The following PPP6R3 variants were observed in gnomAD, a reference collection of about 807,000 sequenced individuals.
PPP6R3 encodes protein phosphatase 6 regulatory subunit 3.
Under a neutral mutation model 110.7 loss-of-function variants are expected in PPP6R3, and 38 were observed. The observed-to-expected ratio is 0.34, with a 90% CI of 0.26 to 0.45. The LOEUF (loss-of-function observed/expected upper bound fraction) is 0.45. PPP6R3 is among the 20% of genes least tolerant of loss of function. The probability of loss-of-function intolerance (pLI) is 1.00; values close to 1 mark genes in which losing one functional copy is unlikely to be tolerated. For missense variants in PPP6R3, 870 were observed against 1,062.4 expected, an observed-to-expected ratio of 0.82 and a Z score of 2.52; for synonymous variants, 369 against 373.5, an observed-to-expected ratio of 0.99 and a Z score of 0.14.
chr11:68,502,128 A>C (rs1220411542), intron 1 of PPP6R3, among the ~76,000 whole-genome samples: 1 of 152,254 alleles, frequency 6.6e-6, no homozygotes, highest in Non-Finnish European at 1.5e-5. Flanking sequence ...CAGTGTTTCT[A>C]CGAAAGACAA....
chr11:68,515,611 G>A (rs2099132629), intron 1 of PPP6R3, among the ~76,000 whole-genome samples: 1 of 152,180 alleles, frequency 6.6e-6, no homozygotes, highest in African/African-American at 2.4e-5. Flanking sequence ...TCGGGATTGT[G>A]GCATTCAGGA....
chr11:68,549,497 T>G lies in PPP6R3; in HGVS notation c.552+1293T>G, dbSNP rs145241025. Among the ~76,000 whole-genome samples, 554 of 152,228 alleles carry G rather than the reference T, an allele frequency of 3.6e-3. 4 individuals are homozygous for G. The highest frequency in any genetic ancestry group is 0.01 in the African/African-American group (427 of 41,530). Reference sequence around the variant, plus strand: ...ACTGTGATCACTGTGAGTAAACAGCTGGGTGTATCTAGTGGGTGTCCTGGG... The same window carrying G: ...ACTGTGATCACTGTGAGTAAACAGCGGGGTGTATCTAGTGGGTGTCCTGGG... On this transcript the variant is annotated intron_variant, in intron 5 of 23. Coordinates refer to ENST00000393800, the MANE Select transcript of PPP6R3 (RefSeq NM_001164161.2).
chr11:68,596,046 AGCTGGTG>A (rs770148729), intron 18 of PPP6R3, 44 bp from the exon 19 acceptor site: 6 of 1,608,570 alleles, frequency 3.7e-6, no homozygotes, highest in Non-Finnish European at 5.1e-6. Flanking sequence ...TTCTGGATTT[AGCTGGTG>A]GCTGATAAGC....
Position 68,493,616 on chromosome 11 carries a change from C to CATATAT in PPP6R3, c.-157-25869_-157-25864dup, listed in dbSNP as rs71043436. On this transcript the variant is annotated intron_variant, in intron 1 of 23. Coordinates refer to ENST00000393800, the MANE Select transcript of PPP6R3 (RefSeq NM_001164161.2). ...TTGGGGTAAAAAAAAAAAACAAAACCATATATATATATATATATATAAAAT... is the reference window on the plus strand; with the variant it reads ...TTGGGGTAAAAAAAAAAAACAAAACCATATATATATATATATATATATATATAAAAT... 1.5e-3 allele frequency among the ~76,000 whole-genome samples: 211 copies of CATATAT among 137,470 alleles called. 1 individual carries two copies. The highest frequency in any genetic ancestry group is 7.4e-3 in the Middle Eastern group (2 of 272). The allele number at this position is 137,470 out of a possible 152,430, so 90.2% of individuals were successfully genotyped here.
At chr11:68,497,185 T>C (rs1342256999) in intron 1 of PPP6R3, among the ~76,000 whole-genome samples, 6 of 150,506 alleles carry the variant, frequency 4.0e-5, no homozygotes, top group Non-Finnish European at 7.4e-5. Flanking sequence ...TAGCTGGGAC[T>C]ACAGGTGCCC....
chr11:68,519,761 C>T (rs1165070485), intron 2 of PPP6R3, 110 bp downstream of exon 2: 11 of 394,628 alleles, frequency 2.8e-5, no homozygotes, highest in Non-Finnish European at 4.9e-5. Context: ...AGACCAGTCT[C>T]TCTGAGCTAG....
intron 7 of PPP6R3, among the ~76,000 whole-genome samples, chr11:68,557,025 G>A (rs1252768413): frequency 6.6e-6 from 1 of 152,236 alleles, no homozygotes; most frequent in Non-Finnish European, 1.5e-5. Context: ...CCTCTGATGA[G>A]TAAGAGCGCT....
In PPP6R3 at chr11:68,613,192, G is replaced by A; in HGVS notation, c.*75G>A. 16 of 1,580,664 alleles carry A rather than the reference G, an allele frequency of 1.0e-5. No individual in the cohort carries two copies. The South Asian group carries it at 1.6e-4, about 16-fold the overall frequency. On this transcript the variant is annotated 3_prime_UTR_variant, in exon 24 of 24. Coordinates refer to ENST00000393800, the MANE Select transcript of PPP6R3 (RefSeq NM_001164161.2). ...AGGGGCTCTGGAGGGGTCAGCTGGA[G>A]CCCACCAAGCTGTCACTGCTGCACT...
intron 1 of PPP6R3, among the ~76,000 whole-genome samples, chr11:68,466,433 CTTT>C (rs906791744): frequency 5.6e-5 from 7 of 125,392 alleles, no homozygotes; most frequent in African/African-American, 9.6e-5. Context: ...AGGACATTTT[CTTT>C]TTTTTTTTTT....
intron 1 of PPP6R3, among the ~76,000 whole-genome samples, chr11:68,506,401 A>G (rs1352300855): frequency 2.6e-5 from 3 of 115,734 alleles, no homozygotes; most frequent in African/African-American, 6.7e-5. Context: ...TGCTGCACCC[A>G]GCCCTTTATA....
rs183848304 is a variant in PPP6R3 at position 68,599,986 on chromosome 11, A to G, written c.2039-355A>G. Reference sequence around the variant, plus strand: ...AAATACAAAAAATTAGCCAGGCGTGATGGCGGGTGCCAGTAATCCCAGCTA... The same window carrying G: ...AAATACAAAAAATTAGCCAGGCGTGGTGGCGGGTGCCAGTAATCCCAGCTA... On this transcript the variant is annotated intron_variant, in intron 19 of 23. Transcript: ENST00000393800. 7.2e-3 allele frequency among the ~76,000 whole-genome samples: 1,104 copies of G among 152,290 alleles called. 14 individuals carry two copies. Among genetic ancestry groups the G allele is most frequent in the African/African-American group, 0.025 (1,042 of 41,584 alleles).
At chr11:68,489,349 A>G (rs1048967829) in intron 1 of PPP6R3, among the ~76,000 whole-genome samples, 7 of 151,890 alleles carry the variant, frequency 4.6e-5, no homozygotes, top group African/African-American at 1.2e-4. Context: ...TGATCATTTT[A>G]TATGATTTCC....
chr11:68,520,776 T>G (rs1370884559), intron 2 of PPP6R3, among the ~76,000 whole-genome samples: 1 of 152,106 alleles, frequency 6.6e-6, no homozygotes, highest in Non-Finnish European at 1.5e-5. Flanking sequence ...TTTTTGTTTG[T>G]TTGTTTGTTT....
intron 1 of PPP6R3, among the ~76,000 whole-genome samples, chr11:68,468,635 T>A (rs1414632627): frequency 1.3e-5 from 2 of 152,256 alleles, no homozygotes; most frequent in African/African-American, 4.8e-5. Flanking sequence ...TCTAACCAGC[T>A]GCTCTGCGGA....
At chr11:68,524,945 T>C (rs1377478609) in intron 2 of PPP6R3, among the ~76,000 whole-genome samples, 3 of 152,222 alleles carry the variant, frequency 2.0e-5, no homozygotes, top group Non-Finnish European at 4.4e-5. Flanking sequence ...CTTCCTGAAC[T>C]TGTCCTGAGA....
chr11:68,568,801 G>C (rs959357819), intron 10 of PPP6R3, among the ~76,000 whole-genome samples: 7 of 151,328 alleles, frequency 4.6e-5, no homozygotes, highest in African/African-American at 1.7e-4. Context: ...ATGGAGTCTG[G>C]CTCAGTCGCC....
Position 68,615,124 on chromosome 11 carries a change from G to A in PPP6R3, c.*2007G>A, listed in dbSNP as rs555440756. 49 of 458,772 alleles carry A rather than the reference G, an allele frequency of 1.1e-4. 1 individual carries two copies. The East Asian group carries it at 1.7e-3, about 16-fold the overall frequency. 28.4% of individuals were successfully genotyped at this position (458,772 alleles called of 1,614,324 possible). ...GGGGCATCATTTTGTTTTGTCTTTC[G>A]TAGCAGGGAAAGGATATGACAATGG... On this transcript the variant is annotated 3_prime_UTR_variant, in exon 24 of 24. Transcript: ENST00000393800.
intron 1 of PPP6R3, among the ~76,000 whole-genome samples, chr11:68,465,927 AG>A (rs146055658): frequency 5.6e-4 from 86 of 152,310 alleles, no homozygotes; most frequent in African/African-American, 2.0e-3. Context: ...CCTTAGTTTG[AG>A]GAGTCTTAAA....
chr11:68,468,422 G>C (rs1450195583), intron 1 of PPP6R3, among the ~76,000 whole-genome samples: 1 of 152,174 alleles, frequency 6.6e-6, no homozygotes, highest in Admixed American at 6.5e-5. Context: ...TGCCCCTTCT[G>C]AGTAAACAAC....
Sources: gnomAD v4.1 joint callset for allele counts (sites outside exome capture counted in the v4.1 genomes callset) on GRCh38, gnomAD v4.1.1 for gene constraint, MANE v1.5 for transcripts, NCBI Gene and HGNC (gene_info 2026-07-23, HGNC 2026-07-21) for gene names.